Variants in ZNF385D observed in about 807,000 individuals in gnomAD.
The protein encoded by ZNF385D is zinc finger protein 659.
In ZNF385D, 15 loss-of-function variants were observed where a neutral mutation model predicts 35.8. That is an observed-to-expected ratio of 0.42 (90% confidence interval 0.28 to 0.64). ZNF385D has a LOEUF of 0.64. Ranked by LOEUF, ZNF385D falls within the 30% of genes least tolerant of loss-of-function variation. The pLI is 0.23. For missense variants in ZNF385D, 474 were observed against 494.6 expected (o/e 0.96, Z 0.39); for synonymous variants, 212 against 186.8 (o/e 1.13, Z -1.10).
chr3:21,911,057 G>T (rs575388565), intron 3 of ZNF385D, among the ~76,000 whole-genome samples: 1 of 151,752 alleles, frequency 6.6e-6, no homozygotes, highest in African/African-American at 2.4e-5. Context: ...GCTTATTAGG[G>T]GGAAAGAGAA....
Position 21,690,423 on chromosome 3 carries a change from T to C in ZNF385D, c.23-25395A>G, listed in dbSNP as rs190396937. Among the ~76,000 whole-genome samples, 684 of 152,288 alleles carry C rather than the reference T, an allele frequency of 4.5e-3. 4 individuals are homozygous for C. The highest frequency in any genetic ancestry group is 7.4e-3 in the Non-Finnish European group (501 of 68,024). ...CAGTGCCACACCAAAGTCTGAACTTTGATTAGGTAAAGTCCTGATTAGATG... is the reference window on the plus strand; with the variant it reads ...CAGTGCCACACCAAAGTCTGAACTTCGATTAGGTAAAGTCCTGATTAGATG... On this transcript the variant is annotated intron_variant, in intron 1 of 7. Coordinates refer to ENST00000281523, the MANE Select transcript of ZNF385D (RefSeq NM_024697.3).
chr3:21,943,383 C>A (rs1701628905), intron 3 of ZNF385D, among the ~76,000 whole-genome samples: 1 of 151,232 alleles, frequency 6.6e-6, no homozygotes, highest in Non-Finnish European at 1.5e-5. Flanking sequence ...CTTATCCTGT[C>A]TTATCTCTTT....
intron 1 of ZNF385D, among the ~76,000 whole-genome samples, chr3:21,737,097 G>A (rs780812328): frequency 1.3e-4 from 20 of 152,024 alleles, no homozygotes; most frequent in Non-Finnish European, 2.6e-4. Context: ...TTGCCACCAC[G>A]CCTGGATAAT....
At chr3:21,764,412 G>T (rs1047988136) in intron 3 of ZNF385D, among the ~76,000 whole-genome samples, 6 of 152,164 alleles carry the variant, frequency 3.9e-5, no homozygotes, top group Non-Finnish European at 8.8e-5. Context: ...TAACTAATAA[G>T]CATCCAGTGG....
intron 3 of ZNF385D, among the ~76,000 whole-genome samples, chr3:21,535,913 C>A (rs2062024954): frequency 6.6e-6 from 1 of 152,008 alleles, no homozygotes; most frequent in South Asian, 2.1e-4. Flanking sequence ...ACTGCCTATA[C>A]GACTAATTTG....
rs938129052 is a variant in ZNF385D, at chr3:22,185,619, C to G, written c.107-16584G>C. On this transcript the variant is annotated intron_variant, in intron 2 of 5. Transcript: ENST00000494108. ...AGTAGCTGGGATTACAGGCACCTGC[C>G]ACCACACCCAGCTAATTTTTGTATT... is the stretch of plus-strand genomic sequence containing the variant. 2.6e-5 allele frequency among the ~76,000 whole-genome samples: 4 copies of G among 152,122 alleles called. No homozygotes were observed. In the South Asian group the frequency reaches 6.2e-4, roughly 24 times the overall value.
chr3:22,216,140 T>C (rs527581783), intron 2 of ZNF385D, among the ~76,000 whole-genome samples: 8 of 152,184 alleles, frequency 5.3e-5, no homozygotes, highest in Admixed American at 3.9e-4. Flanking sequence ...TTATTTCCTC[T>C]GAAACAGATA....
chr3:21,838,049 T>C (rs1408880765), intron 3 of ZNF385D, among the ~76,000 whole-genome samples: 1 of 152,114 alleles, frequency 6.6e-6, no homozygotes, highest in East Asian at 1.9e-4. Context: ...TTTCAAAGCA[T>C]TTAGATCTTC....
chr3:21,859,910 CG>C (rs1696955740), intron 3 of ZNF385D, among the ~76,000 whole-genome samples: 1 of 151,752 alleles, frequency 6.6e-6, no homozygotes, highest in African/African-American at 2.4e-5. Flanking sequence ...GTAACTTCCC[CG>C]GGACAGGGAG....
intron 3 of ZNF385D, among the ~76,000 whole-genome samples, chr3:21,803,879 G>T (rs1292349725): frequency 6.6e-6 from 1 of 152,164 alleles, no homozygotes; most frequent in Non-Finnish European, 1.5e-5. Context: ...ATTAATCATT[G>T]CTCATTTTGG....
At chr3:21,927,282 T>A (rs534172220) in intron 3 of ZNF385D, among the ~76,000 whole-genome samples, 89 of 152,002 alleles carry the variant, frequency 5.9e-4, no homozygotes, top group Non-Finnish European at 7.5e-4. Flanking sequence ...TCTTTTTTTT[T>A]AATATATAAA....
chr3:22,230,992 C>G (rs1197885577), intron 2 of ZNF385D, among the ~76,000 whole-genome samples: 1 of 151,972 alleles, frequency 6.6e-6, no homozygotes, highest in East Asian at 1.9e-4. Context: ...AGGGCAATCT[C>G]TCTTGGATAT....
chr3:21,634,212 AAGAG>A (rs767873842), intron 2 of ZNF385D, among the ~76,000 whole-genome samples: 1 of 151,430 alleles, frequency 6.6e-6, no homozygotes, highest in Non-Finnish European at 1.5e-5. Flanking sequence ...AATAGAAAGA[AAGAG>A]AGAAAGAGAA....
Position 21,823,989 on chromosome 3 carries a change from A to G in ZNF385D, c.326-158961T>C, listed in dbSNP as rs369542442. ...TTACACTATTTAATGATGCATGAAA[A>G]TAAAATGCAATTGTGAAGAAAAGTA... On this transcript the variant is annotated intron_variant, in intron 3 of 5. Coordinates refer to the ZNF385D transcript ENST00000494108. Among the ~76,000 whole-genome samples, 9 of 152,342 alleles carry G rather than the reference A, an allele frequency of 5.9e-5. No homozygotes were observed. In the East Asian group the frequency reaches 7.7e-4, roughly 13 times the overall value.
At chr3:21,445,925 C>T (rs189781545) in intron 4 of ZNF385D, among the ~76,000 whole-genome samples, 115 of 152,226 alleles carry the variant, frequency 7.6e-4, no homozygotes, top group African/African-American at 2.7e-3. Context: ...CTTTATGCTC[C>T]TTTGGCTCTC....
chr3:22,256,192 TAC>T (rs1312952074), intron 2 of ZNF385D, among the ~76,000 whole-genome samples: 1 of 148,170 alleles, frequency 6.7e-6, no homozygotes, highest in Non-Finnish European at 1.5e-5. Flanking sequence ...TACATATACA[TAC>T]ACACATACAT....
At chr3:22,132,393 G>C (rs541599985) in intron 3 of ZNF385D, among the ~76,000 whole-genome samples, 69 of 152,174 alleles carry the variant, frequency 4.5e-4, no homozygotes, top group African/African-American at 1.5e-3. Flanking sequence ...ATACATTTCT[G>C]CTATTTAAAA....
At chr3:21,581,973 C>T (rs2063681768) in intron 2 of ZNF385D, among the ~76,000 whole-genome samples, 2 of 152,134 alleles carry the variant, frequency 1.3e-5, no homozygotes, top group South Asian at 4.2e-4. Flanking sequence ...ATTTTTTTAC[C>T]AGATGTTTCC....
chr3:22,359,526 T>C (rs1696317992), intron 2 of ZNF385D, among the ~76,000 whole-genome samples: 1 of 151,892 alleles, frequency 6.6e-6, no homozygotes, highest in African/African-American at 2.4e-5. Flanking sequence ...AGGACCCTTT[T>C]AGGTTCCCCA....
Sources: allele counts gnomAD v4.1 joint callset (sites outside exome capture counted in the v4.1 genomes callset), GRCh38; gene constraint gnomAD v4.1.1; transcripts MANE v1.5; gene names NCBI Gene and HGNC (gene_info 2026-07-23, HGNC 2026-07-21).